Variants in CSMD1 observed in about 807,000 individuals in gnomAD.
The protein encoded by CSMD1 is CUB and sushi domain-containing protein 1.
Under a neutral mutation model 417.5 loss-of-function variants are expected in CSMD1, and 213 were observed. The ratio of observed to expected loss-of-function variants is 0.51; its 90% CI spans 0.46 to 0.57. CSMD1 has a LOEUF of 0.57. Among genes scored for constraint, CSMD1 ranks in the 20% least tolerant of loss-of-function variants. The pLI is 0.00. For synonymous variants in CSMD1, 2,862 were observed against 1,736.8 expected, an observed-to-expected ratio of 1.65 and a Z score of -16.11; for missense variants, 6,923 against 4,529.7, an observed-to-expected ratio of 1.53 and a Z score of -15.17.
At chr8:4,436,913 A>G (rs1472931076) in intron 2 of CSMD1, among the ~76,000 whole-genome samples, 3 of 152,108 alleles carry the variant, frequency 2.0e-5, no homozygotes, top group Admixed American at 2.0e-4. Context: ...TTATCCATTC[A>G]TCTGTTGATG....
intron 3 of CSMD1, among the ~76,000 whole-genome samples, chr8:4,104,745 G>A (rs995216415): frequency 3.9e-5 from 6 of 152,196 alleles, no homozygotes; most frequent in Admixed American, 6.5e-5. Context: ...AGAGCCCGGG[G>A]AAAAGCACAA....
At chr8:3,930,766 C>A (rs1226090730) in intron 5 of CSMD1, among the ~76,000 whole-genome samples, 1 of 150,260 alleles carries the variant, frequency 6.7e-6, no homozygotes, top group Non-Finnish European at 1.5e-5. Flanking sequence ...CTTTACGGCA[C>A]CAGGGAACAA....
chr8:3,598,280 C>A (rs542514059), intron 8 of CSMD1: 1 of 152,284 alleles, frequency 6.6e-6, no homozygotes, highest in East Asian at 1.9e-4. Context: ...CCCAGAAAAA[C>A]AGACCTGCTC....
At chr8:4,308,397 G>A (rs113102180) in intron 3 of CSMD1, among the ~76,000 whole-genome samples, 5 of 151,382 alleles carry the variant, frequency 3.3e-5, no homozygotes, top group South Asian at 2.1e-4. Context: ...TGGTGTATTC[G>A]TGCATGTGTG....
At chr8:4,040,605 TG>T (rs780130013) in intron 3 of CSMD1, among the ~76,000 whole-genome samples, 7 of 152,172 alleles carry the variant, frequency 4.6e-5, no homozygotes, top group Non-Finnish European at 7.3e-5. Context: ...ATATATGGAT[TG>T]GGGAGACTTA....
intron 2 of CSMD1, among the ~76,000 whole-genome samples, chr8:4,517,889 A>T (rs1320912477): frequency 6.6e-6 from 1 of 152,192 alleles, no homozygotes; most frequent in African/African-American, 2.4e-5. Flanking sequence ...TTTGCATTTG[A>T]GTAGGGTGTC....
rs138912955 is a variant in CSMD1, at chr8:3,341,175, C to T, written c.3631+2119G>A. ...GGCAGGGCTGAGCCTCGCCCACTGA[C>T]GCAAGCCTTCTGGGTGAGGGAGGGT... On this transcript the variant is annotated intron_variant, in intron 23 of 69. Coordinates refer to ENST00000635120, the MANE Select transcript of CSMD1 (RefSeq NM_033225.6). Among the ~76,000 whole-genome samples the T allele has an allele frequency of 2.6e-5, 4 of 152,204 alleles. No individual in the cohort carries two copies. In the East Asian group the frequency reaches 5.8e-4, roughly 22 times the overall value.
At chr8:4,193,593 T>C (rs1584997379) in intron 3 of CSMD1, among the ~76,000 whole-genome samples, 1 of 151,848 alleles carries the variant, frequency 6.6e-6, no homozygotes, top group South Asian at 2.1e-4. Context: ...AGGATGAGGG[T>C]CCCACCGGGC....
intron 3 of CSMD1, among the ~76,000 whole-genome samples, chr8:4,032,517 T>C (rs35022443): frequency 0.13 from 19,080 of 152,210 alleles, 1,477 homozygotes; most frequent in South Asian, 0.23. Context: ...TGAATACTCA[T>C]ACCCTATTTA....
chr8:3,998,209 T>C (rs953999627), intron 4 of CSMD1, 99 bp from the exon 5 acceptor site: 2 of 1,052,670 alleles, frequency 1.9e-6, no homozygotes, highest in African/African-American at 3.2e-5. Flanking sequence ...GACAAATATT[T>C]TCTGAACCCA....
intron 12 of CSMD1, among the ~76,000 whole-genome samples, chr8:3,450,907 T>C (rs1417128948): frequency 4.0e-5 from 6 of 151,896 alleles, no homozygotes; most frequent in Non-Finnish European, 5.9e-5. Flanking sequence ...TCCACAATGG[T>C]TGAACTAGTT....
intron 5 of CSMD1, among the ~76,000 whole-genome samples, chr8:3,906,213 C>G (rs1366381258): frequency 1.3e-5 from 2 of 151,986 alleles, no homozygotes; most frequent in African/African-American, 4.8e-5. Flanking sequence ...GCTTCATTAT[C>G]TTGATTGTGA....
intron 5 of CSMD1, among the ~76,000 whole-genome samples, chr8:3,879,978 A>G (rs907918631): frequency 6.6e-6 from 1 of 152,160 alleles, no homozygotes; most frequent in Admixed American, 6.6e-5. Context: ...TTGTATTAAG[A>G]TGGACTGGTA....
chr8:3,449,867 C>T (rs151107910), intron 12 of CSMD1, among the ~76,000 whole-genome samples: 354 of 152,248 alleles, frequency 2.3e-3, no homozygotes, highest in African/African-American at 8.1e-3. Context: ...TTAAGCCTCA[C>T]GTTGTAAAGT....
At chr8:4,087,427 C>G (rs1800476995) in intron 3 of CSMD1, among the ~76,000 whole-genome samples, 1 of 152,218 alleles carries the variant, frequency 6.6e-6, no homozygotes, top group Non-Finnish European at 1.5e-5. Flanking sequence ...TCTTAATTCT[C>G]TCAATGTTAA....
chr8:3,390,787 G>T (rs1431941927), intron 17 of CSMD1, among the ~76,000 whole-genome samples: 1 of 151,950 alleles, frequency 6.6e-6, no homozygotes, highest in Non-Finnish European at 1.5e-5. Flanking sequence ...ATATGAGCAG[G>T]GTTCTGTATG....
intron 5 of CSMD1, among the ~76,000 whole-genome samples, chr8:3,758,131 T>G (rs924012196): frequency 2.0e-5 from 3 of 152,040 alleles, no homozygotes; most frequent in African/African-American, 7.2e-5. Context: ...ACCTGGCTAA[T>G]TTTTGTATAT....
At chr8:2,969,733 T>A (rs1041298106) in intron 57 of CSMD1, among the ~76,000 whole-genome samples, 7 of 152,192 alleles carry the variant, frequency 4.6e-5, no homozygotes, top group Non-Finnish European at 5.9e-5. Context: ...CTTCAGTGAT[T>A]TGGACCTATG....
chr8:4,860,875 C>T (rs755234669), intron 1 of CSMD1, among the ~76,000 whole-genome samples: 8 of 152,100 alleles, frequency 5.3e-5, no homozygotes, highest in Non-Finnish European at 8.8e-5. Flanking sequence ...CCCTGCTTCT[C>T]CTGCTAGAGA....
Sources: allele counts gnomAD v4.1 joint callset (sites outside exome capture counted in the v4.1 genomes callset), GRCh38; gene constraint gnomAD v4.1.1; transcripts MANE v1.5; gene names NCBI Gene and HGNC (gene_info 2026-07-23, HGNC 2026-07-21).